The following MMADHC variants were observed in gnomAD, a reference collection of about 807,000 sequenced individuals.
MMADHC encodes the protein metabolism of cobalamin associated D, also known as cobalamin trafficking protein CblD.
In MMADHC, 23 loss-of-function variants were observed where a neutral mutation model predicts 36.3. The ratio of observed to expected loss-of-function variants is 0.63; its 90% CI spans 0.46 to 0.90. The LOEUF (loss-of-function observed/expected upper bound fraction) is 0.90, where lower values mean the gene tolerates loss of function less well. MMADHC is among the 40% of genes least tolerant of loss of function. MMADHC has a pLI of 0.00. For synonymous variants in MMADHC, 97 were observed against 116.1 expected, an observed-to-expected ratio of 0.84 and a Z score of 1.06; for missense variants, 330 against 348.0, an observed-to-expected ratio of 0.95 and a Z score of 0.41.
chr2:149,571,735 G>A (rs1462080420), intron 6 of MMADHC, among the ~76,000 whole-genome samples: 5 of 149,208 alleles, frequency 3.4e-5, no homozygotes, highest in Admixed American at 6.7e-5. Flanking sequence ...AGCCGAGATC[G>A]CGCCACTGCA....
At chr2:149,573,371 T>C (rs1682671363) in intron 6 of MMADHC, among the ~76,000 whole-genome samples, 2 of 152,206 alleles carry the variant, frequency 1.3e-5, no homozygotes, top group Non-Finnish European at 2.9e-5. Flanking sequence ...GAAAGTAACT[T>C]TGAAAGGAAC....
At chr2:149,571,028 TATA>T in intron 7 of MMADHC, 54 bp downstream of exon 7, 1 of 1,341,480 alleles carries the variant, frequency 7.5e-7, no homozygotes, top group African/African-American at 1.4e-5. Flanking sequence ...AAACACATTT[TATA>T]ATAAAAATCA....
chr2:149,577,972 C>T lies in MMADHC; in HGVS notation c.373-1430G>A, dbSNP rs143025179. 7.0e-4 allele frequency among the ~76,000 whole-genome samples: 107 copies of T among 152,206 alleles called. No individual in the cohort carries two copies. In the East Asian group the frequency reaches 0.02, roughly 28 times the overall value. ...GTTGCAGGTTGCAGTGAGCCAAGAT[C>T]GCACCACTGCACTCTAGCCTGGTGA... On this transcript the variant is annotated intron_variant, in intron 4 of 7. Coordinates refer to ENST00000303319, the MANE Select transcript of MMADHC (RefSeq NM_015702.3).
In MMADHC at chr2:149,575,870, G is replaced by A. The variant is rs1162419283; in HGVS notation, c.479-29C>T. ...CAAATAAGAATAAACATTCCAGGTA[G>A]AAAAGAATTTGATTTTTAAAGAACA... On this transcript the variant is annotated intron_variant, in intron 5 of 7. Coordinates refer to ENST00000303319, the MANE Select transcript of MMADHC (RefSeq NM_015702.3). The A allele has an allele frequency of 2.0e-6, 3 of 1,529,620 alleles. No individual in the cohort carries two copies. In the African/African-American group the frequency reaches 4.1e-5, roughly 21 times the overall value. 94.8% of individuals were successfully genotyped at this position (1,529,620 alleles called of 1,614,324 possible). A position where few individuals can be genotyped will look rare whatever the true frequency, so the allele number is the denominator to read the frequency against.
At chr2:149,577,899 T>C (rs1051178710) in intron 4 of MMADHC, among the ~76,000 whole-genome samples, 1 of 152,130 alleles carries the variant, frequency 6.6e-6, no homozygotes, top group Non-Finnish European at 1.5e-5. Context: ...ACGCCTGTAA[T>C]CTCAGCTACT....
intron 4 of MMADHC, among the ~76,000 whole-genome samples, 194 bp downstream of exon 4, chr2:149,579,236 TA>T (rs1010668767): frequency 2.6e-5 from 4 of 152,076 alleles, no homozygotes; most frequent in African/African-American, 9.6e-5. Context: ...TAATCTACAG[TA>T]AAAAAATTAT....
chr2:149,571,696 C>T (rs1013608433), intron 6 of MMADHC, among the ~76,000 whole-genome samples: 5 of 150,892 alleles, frequency 3.3e-5, no homozygotes, highest in African/African-American at 9.8e-5. Flanking sequence ...AGGAGAATGG[C>T]GTGAACCCGG....
chr2:149,582,702 C>G (rs1682812595), intron 2 of MMADHC, among the ~76,000 whole-genome samples: 1 of 152,172 alleles, frequency 6.6e-6, no homozygotes, highest in South Asian at 2.1e-4. Context: ...ATAAATTGCG[C>G]TAATTCTCTC....
chr2:149,578,360 T>C (rs1026114780), intron 4 of MMADHC, among the ~76,000 whole-genome samples: 2 of 152,152 alleles, frequency 1.3e-5, no homozygotes, highest in African/African-American at 4.8e-5. Flanking sequence ...GTTATTCCAC[T>C]AATAGTATTG....
At chr2:149,582,945 C>G (rs1682815442) in intron 2 of MMADHC, among the ~76,000 whole-genome samples, 2 of 152,046 alleles carry the variant, frequency 1.3e-5, no homozygotes, top group South Asian at 4.1e-4. Flanking sequence ...CAGGGATTGG[C>G]GAACGATTTC....
Position 149,587,674 on chromosome 2 carries a change from C to G in MMADHC, c.-63G>C, listed in dbSNP as rs995287634. 18 of 155,894 alleles carry G rather than the reference C, an allele frequency of 1.2e-4. No homozygotes were observed. Among genetic ancestry groups the G allele is most frequent in the Admixed American group, 9.4e-4 (15 of 16,024 alleles). 9.7% of individuals were successfully genotyped at this position (155,894 alleles called of 1,614,324 possible). A position where few individuals can be genotyped will look rare whatever the true frequency, so the allele number is the denominator to read the frequency against. On this transcript the variant is annotated 5_prime_UTR_variant, in exon 1 of 8. Coordinates refer to ENST00000303319, the MANE Select transcript of MMADHC (RefSeq NM_015702.3). ...GGAAACCATCCGTACCAGTCACCACCACTGTCTCCAGCTGTCCCAGAACCG... is the reference window on the plus strand; with the variant it reads ...GGAAACCATCCGTACCAGTCACCACGACTGTCTCCAGCTGTCCCAGAACCG...
In MMADHC at chr2:149,582,243, G is replaced by C; in HGVS notation, c.38C>G (p.Ser13Cys). ...TAAAGAGCAAAATCCTGGGAGATAG[G>C]AAACCAGTCTGGCTCTGTTACAAAG... ...NVLCNRARLV[S>C]YLPGFCSLVK... Residue 13 changes from serine to cysteine, a missense_variant, in exon 3 of 8, where the codon TCC (serine) becomes TGC (cysteine). Coordinates refer to ENST00000303319, the MANE Select transcript of MMADHC (RefSeq NM_015702.3). 3 of 1,613,788 alleles carry C rather than the reference G, an allele frequency of 1.9e-6. No homozygotes were observed. Among genetic ancestry groups the C allele is most frequent in the Non-Finnish European group, 2.5e-6 (3 of 1,179,818 alleles).
chr2:149,575,632 G>C (rs1209585126), intron 6 of MMADHC, 79 bp downstream of exon 6: 1 of 1,179,068 alleles, frequency 8.5e-7, no homozygotes, highest in Middle Eastern at 3.0e-4. Flanking sequence ...GGAAATGACA[G>C]TCATCATTTT....
In MMADHC at chr2:149,587,247, C is replaced by T. The variant is rs1297957187; in HGVS notation, c.-52-98G>A. 6.6e-6 allele frequency: 5 copies of T among 761,342 alleles called. No homozygotes were observed. In the East Asian group the frequency reaches 1.3e-4, roughly 20 times the overall value. The allele number at this position is 761,342 out of a possible 1,614,324, so 47.2% of individuals were successfully genotyped here. On this transcript the variant is annotated intron_variant, in intron 1 of 7. Coordinates refer to ENST00000303319, the MANE Select transcript of MMADHC (RefSeq NM_015702.3). Reference sequence around the variant, plus strand: ...CTCTTCGAAGGTGTGTCGTCCACCACGTCAGGACCAAAGTCCAAGCTCTCC... The same window carrying T: ...CTCTTCGAAGGTGTGTCGTCCACCATGTCAGGACCAAAGTCCAAGCTCTCC...
chr2:149,571,323 G>A (rs145737512), intron 6 of MMADHC, 152 bp from the exon 7 acceptor site: 34 of 526,802 alleles, frequency 6.5e-5, no homozygotes, highest in Admixed American at 3.2e-4. Flanking sequence ...CTGTAAAGGC[G>A]TAAGATTCTT....
At position 149,571,098 on chromosome 2, in the gene MMADHC, G is replaced by C. The variant is rs751159722; in HGVS notation, c.683C>G (p.Ser228Ter). The C allele has an allele frequency of 1.9e-6, 3 of 1,611,188 alleles. No individual in the cohort carries two copies. Among genetic ancestry groups the C allele is most frequent in the Non-Finnish European group, 1.7e-6 (2 of 1,177,622 alleles). The change falls in exon 7 of 8, where the codon TCA (serine) becomes TGA (stop). Residue 228 changes from serine (S) to a stop codon, truncating the protein, a stop_gained. Transcript: ENST00000303319. LOFTEE classifies it high-confidence loss of function. ...EGYWADFIDP[S>*]SGLAFFGPYT... ...ATAATTACTCACTGCCAAACCAGAT[G>C]ATGGGTCAATAAAGTCAGCCCAATA...
chr2:149,584,205 T>C (rs1305277674), intron 2 of MMADHC, among the ~76,000 whole-genome samples: 5 of 152,142 alleles, frequency 3.3e-5, no homozygotes, highest in African/African-American at 1.2e-4. Context: ...GAATCTAAAA[T>C]TTCAAATTCC....
At chr2:149,586,852 G>C in intron 2 of MMADHC, 1 of 510,904 alleles carries the variant, frequency 2.0e-6, no homozygotes, top group South Asian at 3.0e-5. Context: ...CCGAAAGGGT[G>C]CTTGAATTTC....
intron 6 of MMADHC, among the ~76,000 whole-genome samples, chr2:149,574,296 A>G (rs947155789): frequency 1.3e-5 from 2 of 152,224 alleles, no homozygotes; most frequent in African/African-American, 4.8e-5. Context: ...AAAATATCCT[A>G]TAACTCTCTA....
Sources: allele counts gnomAD v4.1 joint callset (sites outside exome capture counted in the v4.1 genomes callset), GRCh38; gene constraint gnomAD v4.1.1; transcripts MANE v1.5; gene names NCBI Gene and HGNC (gene_info 2026-07-23, HGNC 2026-07-21).